The following PACS2 variants were observed in gnomAD, a reference collection of about 807,000 sequenced individuals.
The protein encoded by PACS2 is phosphofurin acidic cluster sorting protein 2, also known as PACS1-like protein.
A neutral mutation model predicts 113.0 loss-of-function variants in PACS2; 36 were observed. The observed-to-expected ratio is 0.32, with a 90% CI of 0.24 to 0.42. The LOEUF is 0.42. Ranked by LOEUF, PACS2 falls within the 10% of genes least tolerant of loss-of-function variation. The pLI is 1.00. For synonymous variants in PACS2, 589 were observed against 536.1 expected (o/e 1.10, Z -1.36); for missense variants, 1,015 against 1,239.5 (o/e 0.82, Z 2.72).
rs781787263 is a variant in PACS2, at chr14:105,384,912, C to T, written c.1925C>T (p.Thr642Met). 4.3e-5 allele frequency: 69 copies of T among 1,598,936 alleles called. No individual in the cohort carries two copies. In the Middle Eastern group the frequency reaches 5.0e-4, roughly 12 times the overall value. ...ACGCCAGACATTGTGTCACGCATCACGCAGTACATCGCAGGGGCCAACTGT... is the reference window on the plus strand; with the variant it reads ...ACGCCAGACATTGTGTCACGCATCATGCAGTACATCGCAGGGGCCAACTGT... ...QDTPDIVSRITQYIAGANCAH... is the reference protein window; with the variant it reads ...QDTPDIVSRIMQYIAGANCAH... Residue 642 changes from threonine (T) to methionine (M), a missense_variant, in exon 18 of 25, where the codon ACG becomes ATG. This residue lies in a region of PACS2 where 859 missense variants were observed against 1,056.8 expected (regional missense o/e 0.81). Coordinates refer to ENST00000447393, the MANE Select transcript of PACS2 (RefSeq NM_001100913.3).
At position 105,376,751 on chromosome 14, in the gene PACS2, G is replaced by T; in HGVS notation, c.802-17G>T. On this transcript the variant is annotated splice_polypyrimidine_tract_variant and intron_variant, in intron 8 of 24. Transcript: ENST00000447393. The surrounding 1 kb of genome is among the most constrained non-coding windows in gnomAD (Gnocchi z 4.7). ...GGGCTGCTGCAGGGAACTCACGCGT[G>T]CCTGGCACCCGTGCAGGTCCTGGAC... The T allele has an allele frequency of 6.2e-7, 1 of 1,610,478 alleles. No homozygotes were observed. Among genetic ancestry groups the T allele is most frequent in the Non-Finnish European group, 8.5e-7 (1 of 1,178,260 alleles).
In PACS2 at chr14:105,376,724, G is replaced by T. The variant is rs1340795995; in HGVS notation, c.802-44G>T. On this transcript the variant is annotated intron_variant, in intron 8 of 24. Coordinates refer to ENST00000447393, the MANE Select transcript of PACS2 (RefSeq NM_001100913.3). The surrounding 1 kb of genome is among the most constrained non-coding windows in gnomAD (Gnocchi z 4.7). ...TCTCGGGCGCCCCCAGTGGGGCAAT[G>T]TGGGCTGCTGCAGGGAACTCACGCG... The T allele has an allele frequency of 6.3e-7, 1 of 1,595,982 alleles. No homozygotes were observed. Among genetic ancestry groups the T allele is most frequent in the Non-Finnish European group, 8.6e-7 (1 of 1,168,996 alleles).
intron 16 of PACS2, chr14:105,383,937 T>G (rs1368495837): frequency 7.4e-6 from 2 of 271,384 alleles, no homozygotes; most frequent in East Asian, 1.9e-4. Flanking sequence ...CGAACTCCAT[T>G]ACTTCTTTAG....
At chr14:105,332,990 C>G (rs776275077) in intron 1 of PACS2, among the ~76,000 whole-genome samples, 2 of 152,180 alleles carry the variant, frequency 1.3e-5, no homozygotes, top group Non-Finnish European at 2.9e-5. Context: ...AGGCTCCGCT[C>G]CTGTGGGCTG....
chr14:105,325,057 G>T (rs748862280), intron 1 of PACS2, among the ~76,000 whole-genome samples: 3 of 152,042 alleles, frequency 2.0e-5, no homozygotes. Context: ...TGGCCAAGCT[G>T]TGGGCACCCC....
intron 1 of PACS2, among the ~76,000 whole-genome samples, chr14:105,308,109 G>C (rs987694169): frequency 2.0e-5 from 3 of 152,146 alleles, no homozygotes; most frequent in African/African-American, 7.2e-5. Context: ...CTTGAACCCA[G>C]GTGACTGAGG....
At chr14:105,383,153 C>T in intron 15 of PACS2, 1 of 655,896 alleles carries the variant, frequency 1.5e-6, no homozygotes, top group South Asian at 1.8e-5. Flanking sequence ...TCCTTGGAAG[C>T]CTGGGCTGAG....
intron 1 of PACS2, among the ~76,000 whole-genome samples, chr14:105,338,120 C>T (rs180775926): frequency 3.3e-5 from 5 of 152,206 alleles, no homozygotes; most frequent in Admixed American, 6.5e-5. Context: ...GGCGCTGGCC[C>T]GGTTTCCTGG....
In PACS2 at chr14:105,330,627, C is replaced by G. The variant is rs587693730; in HGVS notation, c.119+15590C>G. On this transcript the variant is annotated intron_variant, in intron 1 of 24. Coordinates refer to ENST00000447393, the MANE Select transcript of PACS2 (RefSeq NM_001100913.3). The surrounding 1 kb of genome is among the most constrained non-coding windows in gnomAD (Gnocchi z 6.9). ...CCTAGGCCACACCAGCATGACCCCT[C>G]GCCCCTGTCTCCACGGAGCACCGTG... Among the ~76,000 whole-genome samples the G allele has an allele frequency of 1.3e-5, 2 of 152,340 alleles. No individual in the cohort carries two copies. Among genetic ancestry groups the G allele is most frequent in the East Asian group, 3.9e-4 (2 of 5,184 alleles).
intron 1 of PACS2, among the ~76,000 whole-genome samples, chr14:105,343,380 C>T (rs2059805843): frequency 6.6e-6 from 1 of 152,104 alleles, no homozygotes; most frequent in Non-Finnish European, 1.5e-5. Flanking sequence ...TGGACCAATT[C>T]CAAGGGGTAG....
In PACS2 at chr14:105,380,433, T is replaced by TC. The variant is rs587705909; in HGVS notation, c.1125+285dup. Reference sequence around the variant, plus strand: ...CCCGCAGGGTCCGGATGCCCTGGACTCCCCCCACCCTCAGGGTCAGGGCAG... The same window carrying TC: ...CCCGCAGGGTCCGGATGCCCTGGACTCCCCCCCACCCTCAGGGTCAGGGCAG... On this transcript the variant is annotated intron_variant, in intron 11 of 24. Coordinates refer to ENST00000447393, the MANE Select transcript of PACS2 (RefSeq NM_001100913.3). 6.1e-4 allele frequency among the ~76,000 whole-genome samples: 54 copies of TC among 88,776 alleles called. No homozygotes were observed. In the East Asian group the frequency reaches 0.017, roughly 29 times the overall value. 58.2% of individuals were successfully genotyped at this position (88,776 alleles called of 152,430 possible). A position where few individuals can be genotyped will look rare whatever the true frequency, so the allele number is the denominator to read the frequency against.
intron 4 of PACS2, among the ~76,000 whole-genome samples, chr14:105,359,994 A>C (rs2060617098): frequency 6.6e-6 from 1 of 152,208 alleles, no homozygotes. Context: ...AATTGCCTAC[A>C]GTATTCAGTA....
At chr14:105,384,496 C>T (rs200025596) in intron 17 of PACS2, 33 bp downstream of exon 17, 55 of 1,456,752 alleles carry the variant, frequency 3.8e-5, no homozygotes, top group Admixed American at 8.7e-5. Flanking sequence ...GCCCACGCCA[C>T]GGCGGGAGGA....
chr14:105,352,651 G>A (rs1243459044), intron 3 of PACS2, among the ~76,000 whole-genome samples, 184 bp downstream of exon 3: 1 of 139,794 alleles, frequency 7.2e-6, no homozygotes, highest in Admixed American at 7.0e-5. Flanking sequence ...GGGGAGACGG[G>A]CACCCCTCAT....
intron 1 of PACS2, among the ~76,000 whole-genome samples, chr14:105,325,595 G>A (rs939440535): frequency 2.0e-5 from 3 of 152,228 alleles, no homozygotes; most frequent in Non-Finnish European, 4.4e-5. Context: ...GGAGCCAGGT[G>A]TGTCTTGAGC....
chr14:105,332,200 TCCTGTGCCTTGCCGTGGGGCTG>T (rs1454849716), intron 1 of PACS2, among the ~76,000 whole-genome samples: 42 of 152,370 alleles, frequency 2.8e-4, no homozygotes, highest in African/African-American at 9.9e-4. Flanking sequence ...TCAGTCACTG[TCCTGTGCCTTGCCGTGGGGCTG>T]CCTGTGCCTC....
At chr14:105,311,679 G>A (rs1595528472), upstream of PACS2, among the ~76,000 whole-genome samples, 2 of 152,310 alleles carry the variant, frequency 1.3e-5, no homozygotes, top group African/African-American at 4.8e-5. Context: ...CTCACTCTCA[G>A]CAGTTGAGCT....
Position 105,317,009 on chromosome 14 carries a change from C to T in PACS2, c.119+1972C>T, listed in dbSNP as rs587725894. Among the ~76,000 whole-genome samples, 5 of 152,316 alleles carry T rather than the reference C, an allele frequency of 3.3e-5. No individual in the cohort carries two copies. The highest frequency in any genetic ancestry group is 4.1e-4 in the South Asian group (2 of 4,830). On this transcript the variant is annotated intron_variant, in intron 1 of 24. Transcript: ENST00000447393. The surrounding 1 kb of genome is among the most constrained non-coding windows in gnomAD (Gnocchi z 4.2). ...GTCCTGGAACAGGGCCCCTCATAGG[C>T]GGGCTTGCCCCTAGCTTTGCTTTGT...
chr14:105,305,729 G>A (rs587675486), intron 1 of PACS2, among the ~76,000 whole-genome samples: 7 of 152,284 alleles, frequency 4.6e-5, no homozygotes, highest in African/African-American at 1.2e-4. Flanking sequence ...TGCTGCAAGC[G>A]CCCCAGGAAG....
Sources: gnomAD v4.1 joint callset for allele counts (sites outside exome capture counted in the v4.1 genomes callset) on GRCh38, gnomAD v4.1.1 for gene constraint, gnomAD v4.1.1 regional missense constraint, Gnocchi (gnomAD v3.1) non-coding constraint, MANE v1.5 for transcripts, NCBI Gene and HGNC (gene_info 2026-07-23, HGNC 2026-07-21) for gene names.